The following FGFR2 variants were observed in gnomAD, a reference collection of about 807,000 sequenced individuals.
The protein encoded by FGFR2 is BEK fibroblast growth factor receptor.
In FGFR2, 19 loss-of-function variants were observed where a neutral mutation model predicts 95.9. The observed-to-expected ratio is 0.20, with a 90% CI of 0.14 to 0.29. FGFR2 has a LOEUF of 0.29. Ranked by LOEUF, FGFR2 falls within the 10% of genes least tolerant of loss-of-function variation. FGFR2 has a pLI of 1.00. For missense variants in FGFR2, 707 were observed against 1,056.9 expected, an observed-to-expected ratio of 0.67 and a Z score of 4.59; for synonymous variants, 392 against 393.3, an observed-to-expected ratio of 1.00 and a Z score of 0.04.
intron 2 of FGFR2, among the ~76,000 whole-genome samples, chr10:121,581,761 TAAAAAA>T (rs55911512): frequency 5.9e-4 from 37 of 62,592 alleles, no homozygotes; most frequent in African/African-American, 1.7e-3. Flanking sequence ...ACCCTGCATT[TAAAAAA>T]AAAAAAAAAA....
At chr10:121,496,039 G>A (rs780573271) in intron 13 of FGFR2, among the ~76,000 whole-genome samples, 2 of 152,142 alleles carry the variant, frequency 1.3e-5, no homozygotes, top group Non-Finnish European at 2.9e-5. Context: ...CAAAATAAAC[G>A]CAGAGCTCCA....
chr10:121,569,159 C>A (rs1232907855), intron 2 of FGFR2, among the ~76,000 whole-genome samples: 1 of 151,988 alleles, frequency 6.6e-6, no homozygotes, highest in Non-Finnish European at 1.5e-5. Context: ...TTTTTAAGCA[C>A]CACGATTTTC....
At chr10:121,505,984 G>A (rs1328721919) in intron 9 of FGFR2, among the ~76,000 whole-genome samples, 1 of 152,096 alleles carries the variant, frequency 6.6e-6, no homozygotes, top group African/African-American at 2.4e-5. Context: ...TCTTCCCCAT[G>A]AACAGGCAAA....
At position 121,531,101 on chromosome 10, in the gene FGFR2, C is replaced by T. The variant is rs1411307924; in HGVS notation, c.748+7491G>A. ...CCTCACCCAGGCCCCCTGCAAGAAT[C>T]GAAAGCAATCAATAAGGCTTCCTTC... On this transcript the variant is annotated intron_variant, in intron 6 of 17. Coordinates refer to ENST00000358487, the MANE Select transcript of FGFR2 (RefSeq NM_000141.5). The surrounding 1 kb of genome is among the most constrained non-coding windows in gnomAD (Gnocchi z 4.5). Among the ~76,000 whole-genome samples the T allele has an allele frequency of 1.3e-5, 2 of 152,176 alleles. No homozygotes were observed. Among genetic ancestry groups the T allele is most frequent in the Non-Finnish European group, 2.9e-5 (2 of 68,026 alleles).
At chr10:121,523,961 C>T (rs972991210) in intron 6 of FGFR2, among the ~76,000 whole-genome samples, 2 of 152,224 alleles carry the variant, frequency 1.3e-5, no homozygotes, top group African/African-American at 2.4e-5. Flanking sequence ...CTCTGGCCTG[C>T]GCCAGGCTTC....
intron 4 of FGFR2, 70 bp from the exon 5 acceptor site, chr10:121,551,529 G>A (rs2134848037): frequency 7.1e-7 from 1 of 1,403,812 alleles, no homozygotes. Flanking sequence ...ACTCCAAACA[G>A]GTAAGATCAT....
At chr10:121,514,715 G>A (rs1489412607) in intron 9 of FGFR2, among the ~76,000 whole-genome samples, 3 of 152,154 alleles carry the variant, frequency 2.0e-5, no homozygotes, top group African/African-American at 4.8e-5. Flanking sequence ...CGTACTAGTG[G>A]CATAAGTCCC....
At chr10:121,483,912 A>T in intron 16 of FGFR2, 109 bp from the exon 17 acceptor site, 1 of 796,982 alleles carries the variant, frequency 1.3e-6, no homozygotes, top group Non-Finnish European at 2.1e-6. Context: ...AAAATGCATC[A>T]GAACCTTCCA....
chr10:121,513,352 T>C (rs1849299379), intron 9 of FGFR2, among the ~76,000 whole-genome samples: 1 of 152,152 alleles, frequency 6.6e-6, no homozygotes, highest in Non-Finnish European at 1.5e-5. Flanking sequence ...TATTCTTAGA[T>C]GGACAGTGAA....
chr10:121,594,970 C>T (rs2135501212), intron 1 of FGFR2, among the ~76,000 whole-genome samples: 1 of 152,192 alleles, frequency 6.6e-6, no homozygotes, highest in East Asian at 1.9e-4. Context: ...GAGAATTTTC[C>T]AAGAAAGCTT....
chr10:121,484,351 T>A (rs1480828978), intron 16 of FGFR2, among the ~76,000 whole-genome samples: 1 of 152,204 alleles, frequency 6.6e-6, no homozygotes, highest in Non-Finnish European at 1.5e-5. Context: ...AACTTCCTGA[T>A]TAACTCTTAG....
intron 2 of FGFR2, among the ~76,000 whole-genome samples, chr10:121,588,949 A>G (rs1028905282): frequency 1.3e-5 from 2 of 152,050 alleles, no homozygotes; most frequent in Non-Finnish European, 2.9e-5. Context: ...AAAGGCTAAA[A>G]TCATCTCTCA....
intron 7 of FGFR2, among the ~76,000 whole-genome samples, chr10:121,519,648 T>C (rs1157837879): frequency 6.6e-6 from 1 of 152,218 alleles, no homozygotes; most frequent in African/African-American, 2.4e-5. Context: ...AACCGCCCTA[T>C]GGGGGACAGA....
intron 9 of FGFR2, among the ~76,000 whole-genome samples, chr10:121,504,826 T>C (rs1158614000): frequency 3.1e-5 from 1 of 32,224 alleles, no homozygotes; most frequent in African/African-American, 3.9e-5. Context: ...GGCTGGTTTC[T>C]ATGGAAAAAA....
chr10:121,593,474 GCA>G (rs1862977777), intron 2 of FGFR2, among the ~76,000 whole-genome samples: 1 of 152,112 alleles, frequency 6.6e-6, no homozygotes, highest in Admixed American at 6.6e-5. Flanking sequence ...CCCTCACCCA[GCA>G]CAGAGAAACA....
At chr10:121,519,029 TG>T (rs1850120640) in intron 7 of FGFR2, among the ~76,000 whole-genome samples, 1 of 152,130 alleles carries the variant, frequency 6.6e-6, no homozygotes, top group African/African-American at 2.4e-5. Flanking sequence ...GGCAGGAGGG[TG>T]TGAGCGATAG....
chr10:121,522,048 C>G (rs1184110513), intron 6 of FGFR2, among the ~76,000 whole-genome samples: 1 of 152,202 alleles, frequency 6.6e-6, no homozygotes, highest in African/African-American at 2.4e-5. Flanking sequence ...AAGACAGACA[C>G]TGCCTGACTC....
intron 13 of FGFR2, among the ~76,000 whole-genome samples, chr10:121,493,819 T>A (rs1846440675): frequency 6.6e-6 from 1 of 151,990 alleles, no homozygotes; most frequent in African/African-American, 2.4e-5. Context: ...CGAGCTCGGA[T>A]TTTCCACCCA....
intron 2 of FGFR2, among the ~76,000 whole-genome samples, chr10:121,577,843 G>T (rs1860173836): frequency 1.3e-5 from 2 of 151,982 alleles, no homozygotes; most frequent in South Asian, 2.1e-4. Context: ...TCCAAAACAA[G>T]CAAGTGACCT....
Sources: allele counts gnomAD v4.1 joint callset (sites outside exome capture counted in the v4.1 genomes callset), GRCh38; gene constraint gnomAD v4.1.1; non-coding constraint Gnocchi (gnomAD v3.1); transcripts MANE v1.5; gene names NCBI Gene and HGNC (gene_info 2026-07-23, HGNC 2026-07-21).